The following CALN1 variants were observed in gnomAD, a reference collection of about 807,000 sequenced individuals.
The protein encoded by CALN1 is calcium-binding protein 8.
Under a neutral mutation model 30.6 loss-of-function variants are expected in CALN1, and 17 were observed. The observed-to-expected ratio is 0.56, with a 90% CI of 0.38 to 0.83. The LOEUF (loss-of-function observed/expected upper bound fraction) is 0.83. Among genes scored for constraint, CALN1 ranks in the 40% least tolerant of loss-of-function variants. The pLI, the probability that CALN1 is intolerant of heterozygous loss-of-function variation, is 0.00. For synonymous variants in CALN1, 156 were observed against 131.4 expected (o/e 1.19, Z -1.28); for missense variants, 291 against 354.9 (o/e 0.82, Z 1.45).
chr7:71,785,178 ATCTCTCTCTAGCAG>A lies in CALN1; in HGVS notation c.*2583_*2596del, dbSNP rs1490839967. ...AGAATTCTGTGTCTTCCTTCTTGCC[ATCTCTCTCTAGCAG>A]TCTGCAGAGGAATGCATTCTCCTAG... On this transcript the variant is annotated 3_prime_UTR_variant, in exon 7 of 7. Coordinates refer to ENST00000395275, the MANE Select transcript of CALN1 (RefSeq NM_031468.4). The A allele has an allele frequency of 3.5e-6, 1 of 282,012 alleles. No individual in the cohort carries two copies. Among genetic ancestry groups the A allele is most frequent in the African/African-American group, 2.2e-5 (1 of 45,924 alleles). The allele number at this position is 282,012 out of a possible 1,614,324, so 17.5% of individuals were successfully genotyped here.
chr7:72,228,059 A>G (rs1243999523), intron 3 of CALN1, among the ~76,000 whole-genome samples: 1 of 151,976 alleles, frequency 6.6e-6, no homozygotes, highest in African/African-American at 2.4e-5. Flanking sequence ...GTTTGGGAAT[A>G]CTGAACCAAG....
intron 3 of CALN1, among the ~76,000 whole-genome samples, chr7:72,231,128 T>A (rs76092417): frequency 1.4e-4 from 22 of 152,202 alleles, no homozygotes; most frequent in South Asian, 1.0e-3. Context: ...TTTTTTTTTT[T>A]AATTTTTATT....
At chr7:72,392,205 G>A (rs1805620028) in intron 2 of CALN1, among the ~76,000 whole-genome samples, 1 of 152,110 alleles carries the variant, frequency 6.6e-6, no homozygotes, top group African/African-American at 2.4e-5. Flanking sequence ...CACCTGACAT[G>A]GAAGTGATCA....
chr7:72,290,513 G>A (rs571418533), intron 2 of CALN1, among the ~76,000 whole-genome samples: 18 of 152,178 alleles, frequency 1.2e-4, no homozygotes, highest in African/African-American at 4.3e-4. Flanking sequence ...ATTCATTCTG[G>A]ACAACCACCT....
intron 4 of CALN1, among the ~76,000 whole-genome samples, chr7:72,061,249 T>C (rs1316438385): frequency 1.3e-5 from 2 of 152,160 alleles, no homozygotes; most frequent in Non-Finnish European, 2.9e-5. Flanking sequence ...TTAATCAGCA[T>C]ATGAAGAAGC....
chr7:72,161,807 T>A (rs1425853150), intron 3 of CALN1, among the ~76,000 whole-genome samples: 1 of 151,668 alleles, frequency 6.6e-6, no homozygotes, highest in Non-Finnish European at 1.5e-5. Flanking sequence ...TCCGGAAGAA[T>A]AGCTGATGGA....
intron 3 of CALN1, among the ~76,000 whole-genome samples, chr7:72,168,261 G>A (rs118004957): frequency 0.011 from 1,688 of 151,414 alleles, 11 homozygotes; most frequent in Non-Finnish European, 0.017. Context: ...AATAACTTGG[G>A]AAGAGGATCT....
At chr7:72,313,407 T>C (rs1445946581) in intron 2 of CALN1, among the ~76,000 whole-genome samples, 1 of 152,164 alleles carries the variant, frequency 6.6e-6, no homozygotes, top group Admixed American at 6.6e-5. Context: ...AAAAAAATTC[T>C]TTGAGACAGA....
At chr7:71,861,230 C>T (rs1414067643) in intron 5 of CALN1, among the ~76,000 whole-genome samples, 5 of 151,714 alleles carry the variant, frequency 3.3e-5, no homozygotes, top group African/African-American at 9.7e-5. Context: ...ATAAGCTGAC[C>T]GATAAACATT....
At chr7:71,983,392 C>T (rs573596690) in intron 5 of CALN1, among the ~76,000 whole-genome samples, 6 of 152,240 alleles carry the variant, frequency 3.9e-5, no homozygotes, top group Admixed American at 3.9e-4. Flanking sequence ...ATATAGAAAA[C>T]ACAAAATAAG....
intron 5 of CALN1, among the ~76,000 whole-genome samples, chr7:71,912,437 A>G (rs1351992370): frequency 6.6e-6 from 1 of 152,130 alleles, no homozygotes; most frequent in Non-Finnish European, 1.5e-5. Flanking sequence ...CACAGTTACA[A>G]ATGTGATACC....
At chr7:72,158,943 C>T (rs1787910339) in intron 3 of CALN1, among the ~76,000 whole-genome samples, 2 of 152,124 alleles carry the variant, frequency 1.3e-5, no homozygotes, top group African/African-American at 4.8e-5. Flanking sequence ...ACCTCTGCCT[C>T]CCAGGTTCAA....
intron 5 of CALN1, among the ~76,000 whole-genome samples, chr7:72,015,810 A>G (rs1317892321): frequency 6.6e-6 from 1 of 152,098 alleles, no homozygotes; most frequent in African/African-American, 2.4e-5. Context: ...CACTTTGAGA[A>G]CCACTGTTAA....
At chr7:72,397,931 C>T (rs543356370) in intron 2 of CALN1, among the ~76,000 whole-genome samples, 18 of 152,248 alleles carry the variant, frequency 1.2e-4, no homozygotes, top group African/African-American at 4.3e-4. Flanking sequence ...TAGCATGCCA[C>T]GTGAGGTACA....
chr7:71,978,465 G>A (rs1002479002), intron 5 of CALN1, among the ~76,000 whole-genome samples: 2 of 151,492 alleles, frequency 1.3e-5, no homozygotes, highest in African/African-American at 2.4e-5. Context: ...TAGTAGAGAC[G>A]GGGTTTCACC....
At position 71,842,080 on chromosome 7, in the gene CALN1, G is replaced by A. The variant is rs551372208; in HGVS notation, c.502-31588C>T. Among the ~76,000 whole-genome samples, 18 of 152,100 alleles carry A rather than the reference G, an allele frequency of 1.2e-4. No individual in the cohort carries two copies. In the South Asian group the frequency reaches 2.5e-3, roughly 21 times the overall value. Reference sequence around the variant, plus strand: ...TCCGTGCCAGTTTGTTACTGATTAGGAGAGAGAGACATATGGCTCATATCT... The same window carrying A: ...TCCGTGCCAGTTTGTTACTGATTAGAAGAGAGAGACATATGGCTCATATCT... On this transcript the variant is annotated intron_variant, in intron 5 of 6. Coordinates refer to ENST00000395275, the MANE Select transcript of CALN1 (RefSeq NM_031468.4).
At chr7:72,105,148 G>C (rs552351007) in intron 4 of CALN1, among the ~76,000 whole-genome samples, 6 of 152,020 alleles carry the variant, frequency 3.9e-5, no homozygotes, top group Non-Finnish European at 7.4e-5. Context: ...ACAAATCTGT[G>C]ACTCTCGTCT....
At chr7:71,948,450 C>A (rs557022777) in intron 5 of CALN1, among the ~76,000 whole-genome samples, 1 of 152,092 alleles carries the variant, frequency 6.6e-6, no homozygotes, top group Non-Finnish European at 1.5e-5. Context: ...GGTTTCAGGC[C>A]GGGCACGATT....
At chr7:72,364,178 A>G (rs752349272) in intron 2 of CALN1, among the ~76,000 whole-genome samples, 5 of 152,194 alleles carry the variant, frequency 3.3e-5, no homozygotes, top group Admixed American at 6.5e-5. Flanking sequence ...TCATTACCAG[A>G]TAAGAAAATA....
Sources: allele counts gnomAD v4.1 joint callset (sites outside exome capture counted in the v4.1 genomes callset), GRCh38; gene constraint gnomAD v4.1.1; transcripts MANE v1.5; gene names NCBI Gene and HGNC (gene_info 2026-07-23, HGNC 2026-07-21).